Variants in ADK observed in about 807,000 individuals in gnomAD.
ADK encodes adenosine kinase, also known as N6,N6-dimethyladenosine kinase.
A neutral mutation model predicts 44.7 loss-of-function variants in ADK; 24 were observed. The ratio of observed to expected loss-of-function variants is 0.54; its 90% confidence interval spans 0.39 to 0.76. The LOEUF (loss-of-function observed/expected upper bound fraction) is 0.76, where lower values mean the gene tolerates loss of function less well. Ranked by LOEUF, ADK falls within the 30% of genes least tolerant of loss-of-function variation. The probability of loss-of-function intolerance (pLI) is 0.00; values close to 1 mark genes in which losing one functional copy is unlikely to be tolerated. For missense variants in ADK, 321 were observed against 425.1 expected, an observed-to-expected ratio of 0.76 and a Z score of 2.15; for synonymous variants, 128 against 142.6, an observed-to-expected ratio of 0.90 and a Z score of 0.73.
chr10:74,437,539 A>T lies in ADK; in HGVS notation c.555+38960A>T, dbSNP rs376776243. Among the ~76,000 whole-genome samples, 35 of 152,212 alleles carry T rather than the reference A, an allele frequency of 2.3e-4. 1 individual carries two copies. The highest frequency in any genetic ancestry group is 6.8e-3 in the Middle Eastern group (2 of 294). ...ATCCTTGATTTTTTCTTTTCCTTCA[A>T]TAAGTCCCTATCTTTATATCTGGAA... On this transcript the variant is annotated intron_variant, in intron 6 of 10. Coordinates refer to ENST00000539909, the MANE Select transcript of ADK (RefSeq NM_006721.4).
chr10:74,504,719 C>G (rs977132923), intron 6 of ADK, among the ~76,000 whole-genome samples: 4 of 152,038 alleles, frequency 2.6e-5, no homozygotes, highest in African/African-American at 9.6e-5. Flanking sequence ...GCCATTTCCC[C>G]CATGCTGTTC....
At chr10:74,342,738 G>A (rs974481399) in intron 4 of ADK, among the ~76,000 whole-genome samples, 5 of 150,772 alleles carry the variant, frequency 3.3e-5, no homozygotes, top group African/African-American at 1.2e-4. Context: ...GCCTCCCAAA[G>A]TTTTGGGATT....
At chr10:74,704,425 G>T (rs1181317974) in intron 10 of ADK, among the ~76,000 whole-genome samples, 1 of 152,018 alleles carries the variant, frequency 6.6e-6, no homozygotes, top group Non-Finnish European at 1.5e-5. Flanking sequence ...TTAAATATAA[G>T]CTCCCTTTGT....
chr10:74,482,194 G>A (rs543002169), intron 6 of ADK, among the ~76,000 whole-genome samples: 3 of 152,252 alleles, frequency 2.0e-5, no homozygotes, highest in Admixed American at 6.5e-5. Context: ...AGGCTCTACA[G>A]GAAATGTGGC....
chr10:74,241,589 T>C (rs1367256937), intron 3 of ADK, among the ~76,000 whole-genome samples: 1 of 152,212 alleles, frequency 6.6e-6, no homozygotes, highest in African/African-American at 2.4e-5. Flanking sequence ...TTTCACCATA[T>C]TGGTCAGGCT....
At chr10:74,501,312 A>G (rs910907991) in intron 6 of ADK, among the ~76,000 whole-genome samples, 4 of 152,188 alleles carry the variant, frequency 2.6e-5, no homozygotes, top group African/African-American at 4.8e-5. Context: ...GATCACTTGT[A>G]TTCTCTGCTT....
At chr10:74,369,596 C>A (rs1277336072) in intron 4 of ADK, among the ~76,000 whole-genome samples, 1 of 152,160 alleles carries the variant, frequency 6.6e-6, no homozygotes, top group Non-Finnish European at 1.5e-5. Flanking sequence ...AACATCCATT[C>A]CTCATAAAAT....
At chr10:74,373,554 G>A (rs1368927601) in intron 4 of ADK, among the ~76,000 whole-genome samples, 1 of 152,054 alleles carries the variant, frequency 6.6e-6, no homozygotes, top group African/African-American at 2.4e-5. Context: ...TGACTAAGGA[G>A]CACATAAAAA....
At chr10:74,559,293 A>G (rs1167628329) in intron 7 of ADK, among the ~76,000 whole-genome samples, 1 of 152,272 alleles carries the variant, frequency 6.6e-6, no homozygotes, top group African/African-American at 2.4e-5. Flanking sequence ...CTAGGACCTG[A>G]TGGCCAAAAC....
At chr10:74,363,231 G>T (rs1842394553) in intron 4 of ADK, among the ~76,000 whole-genome samples, 1 of 152,210 alleles carries the variant, frequency 6.6e-6, no homozygotes, top group Admixed American at 6.5e-5. Flanking sequence ...TCCCTCCATA[G>T]ATGGAATGAT....
chr10:74,477,388 T>G (rs1842096327), intron 6 of ADK, among the ~76,000 whole-genome samples: 1 of 152,032 alleles, frequency 6.6e-6, no homozygotes, highest in Non-Finnish European at 1.5e-5. Flanking sequence ...ACAATATGTT[T>G]TTAGAGATAG....
At chr10:74,480,995 T>G (rs1338477036) in intron 6 of ADK, among the ~76,000 whole-genome samples, 1 of 152,180 alleles carries the variant, frequency 6.6e-6, no homozygotes, top group Admixed American at 6.5e-5. Flanking sequence ...TATGTCTTTC[T>G]TCTCTCATTT....
intron 6 of ADK, among the ~76,000 whole-genome samples, chr10:74,503,598 A>G (rs571733049): frequency 1.3e-5 from 2 of 152,326 alleles, no homozygotes; most frequent in African/African-American, 2.4e-5. Flanking sequence ...GAGTTGCTGT[A>G]TAATTAAAAT....
chr10:74,535,589 T>C (rs1408567543), intron 7 of ADK, among the ~76,000 whole-genome samples: 1 of 150,996 alleles, frequency 6.6e-6, no homozygotes, highest in Admixed American at 6.6e-5. Flanking sequence ...TATTTTTTTT[T>C]TTTTTTTTTT....
At chr10:74,173,943 A>C (rs1202050602) in intron 1 of ADK, among the ~76,000 whole-genome samples, 1 of 152,148 alleles carries the variant, frequency 6.6e-6, no homozygotes, top group East Asian at 1.9e-4. Flanking sequence ...ATAGTTAATT[A>C]AATTTTAATC....
chr10:74,706,350 C>G (rs748809124), intron 10 of ADK, among the ~76,000 whole-genome samples: 11 of 152,088 alleles, frequency 7.2e-5, no homozygotes, highest in Non-Finnish European at 1.5e-4. Flanking sequence ...TTTAGCAAAC[C>G]CAAGATCACT....
At chr10:74,415,374 A>G (rs1844333067) in intron 6 of ADK, among the ~76,000 whole-genome samples, 2 of 146,606 alleles carry the variant, frequency 1.4e-5, no homozygotes, top group Non-Finnish European at 3.0e-5. Flanking sequence ...AAACTTATAA[A>G]CATTCAGATG....
At chr10:74,431,677 G>T (rs1845004302) in intron 6 of ADK, among the ~76,000 whole-genome samples, 1 of 151,958 alleles carries the variant, frequency 6.6e-6, no homozygotes, top group Non-Finnish European at 1.5e-5. Flanking sequence ...GGAGGCGGAG[G>T]TTGCAGTGAG....
At chr10:74,569,125 C>T (rs1160407620) in intron 7 of ADK, among the ~76,000 whole-genome samples, 1 of 152,154 alleles carries the variant, frequency 6.6e-6, no homozygotes, top group Non-Finnish European at 1.5e-5. Flanking sequence ...TTTATGGCTG[C>T]ATAGTATTCC....
Sources: gnomAD v4.1 joint callset for allele counts (sites outside exome capture counted in the v4.1 genomes callset) on GRCh38, gnomAD v4.1.1 for gene constraint, MANE v1.5 for transcripts, NCBI Gene and HGNC (gene_info 2026-07-23, HGNC 2026-07-21) for gene names.